The following SHROOM3 variants were observed in gnomAD, a reference collection of about 807,000 sequenced individuals.
The protein encoded by SHROOM3 is shroom family member 3.
A neutral mutation model predicts 138.6 loss-of-function variants in SHROOM3; 47 were observed. The ratio of observed to expected loss-of-function variants is 0.34; its 90% CI spans 0.27 to 0.43. The LOEUF is 0.43. Among genes scored for constraint, SHROOM3 ranks in the 20% least tolerant of loss-of-function variants. The pLI, the probability that SHROOM3 is intolerant of heterozygous loss-of-function variation, is 1.00. For missense variants in SHROOM3, 2,491 were observed against 2,596.5 expected, an observed-to-expected ratio of 0.96 and a Z score of 0.88; for synonymous variants, 1,062 against 1,063.3, an observed-to-expected ratio of 1.00 and a Z score of 0.02.
At chr4:76,486,847 C>A (rs1433266767) in intron 1 of SHROOM3, among the ~76,000 whole-genome samples, 2 of 151,988 alleles carry the variant, frequency 1.3e-5, no homozygotes, top group Non-Finnish European at 1.5e-5. Flanking sequence ...CATTATTAAC[C>A]CTGTGACTTG....
At chr4:76,496,172 C>T (rs919038902) in intron 1 of SHROOM3, among the ~76,000 whole-genome samples, 5 of 152,202 alleles carry the variant, frequency 3.3e-5, no homozygotes, top group African/African-American at 1.2e-4. Context: ...TATGCCACAG[C>T]ACAGGTGTGT....
chr4:76,689,263 T>C (rs931709515), intron 2 of SHROOM3, among the ~76,000 whole-genome samples: 1 of 148,658 alleles, frequency 6.7e-6, no homozygotes, highest in South Asian at 2.1e-4. Flanking sequence ...TTTTCAAACC[T>C]TAGGGAGCCT....
intron 2 of SHROOM3, among the ~76,000 whole-genome samples, chr4:76,656,026 TGG>T (rs1159814203): frequency 6.6e-6 from 1 of 152,232 alleles, no homozygotes. Context: ...CATTCTGCTG[TGG>T]CCTGTTCTTA....
chr4:76,565,581 C>A (rs1733704956), intron 2 of SHROOM3, among the ~76,000 whole-genome samples: 1 of 152,196 alleles, frequency 6.6e-6, no homozygotes, highest in Admixed American at 6.5e-5. Context: ...CTTCTGGGAT[C>A]AAGTGATCCT....
At position 76,782,939 on chromosome 4, in the gene SHROOM3, C is replaced by T. The variant is rs1418886673; in HGVS notation, c.*3762C>T. On this transcript the variant is annotated 3_prime_UTR_variant, in exon 11 of 11. Transcript: ENST00000296043. ...AAACTTCACATTTCTTAATGGGGAG[C>T]TCATTCAGAAACTAAATAATGGTTT... The T allele has an allele frequency of 6.6e-6, 1 of 152,138 alleles. No homozygotes were observed. The highest frequency in any genetic ancestry group is 1.5e-5 in the Non-Finnish European group (1 of 68,006). The allele number at this position is 152,138 out of a possible 1,614,324, so 9.4% of individuals were successfully genotyped here.
Position 76,731,023 on chromosome 4 carries a change from T to C in SHROOM3, c.587+88T>C. 1.9e-6 allele frequency: 3 copies of C among 1,553,710 alleles called. No homozygotes were observed. The Admixed American group carries it at 5.0e-5, about 26-fold the overall frequency. On this transcript the variant is annotated intron_variant, in intron 4 of 10. Transcript: ENST00000296043. ...AATGTTTTCTTCTCTGTTTTGAGAA[T>C]GTTTTTTCTTATACTCACACTAAAT... is the stretch of plus-strand genomic sequence containing the variant.
At chr4:76,707,141 G>A (rs754042528) in intron 2 of SHROOM3, among the ~76,000 whole-genome samples, 1 of 152,104 alleles carries the variant, frequency 6.6e-6, no homozygotes, top group African/African-American at 2.4e-5. Flanking sequence ...GTAAAAATGG[G>A]CTTATTTGGT....
chr4:76,562,600 G>A (rs867308929), intron 2 of SHROOM3, among the ~76,000 whole-genome samples: 1 of 152,108 alleles, frequency 6.6e-6, no homozygotes, highest in Admixed American at 6.5e-5. Flanking sequence ...CCAGCTCATG[G>A]TTACAGTTTA....
At chr4:76,681,509 A>G (rs1198483476) in intron 2 of SHROOM3, among the ~76,000 whole-genome samples, 4 of 151,538 alleles carry the variant, frequency 2.6e-5, no homozygotes, top group Non-Finnish European at 5.9e-5. Context: ...CAGCTGGGAG[A>G]CAGAAACTTA....
At chr4:76,602,142 A>C (rs1359213722) in intron 2 of SHROOM3, among the ~76,000 whole-genome samples, 1 of 152,198 alleles carries the variant, frequency 6.6e-6, no homozygotes, top group Non-Finnish European at 1.5e-5. Context: ...CAATTACAGA[A>C]CGTTCCTTTC....
intron 2 of SHROOM3, among the ~76,000 whole-genome samples, chr4:76,602,617 T>C (rs186552902): frequency 3.3e-5 from 5 of 152,262 alleles, no homozygotes; most frequent in Non-Finnish European, 4.4e-5. Flanking sequence ...ATGAAATAGG[T>C]TGGTGTTAAA....
At chr4:76,449,899 C>T (rs1447437409) in intron 1 of SHROOM3, among the ~76,000 whole-genome samples, 1 of 152,090 alleles carries the variant, frequency 6.6e-6, no homozygotes, top group Non-Finnish European at 1.5e-5. Flanking sequence ...AATAGAGAAA[C>T]ATATGCTCTA....
At chr4:76,601,196 C>T (rs1460216036) in intron 2 of SHROOM3, among the ~76,000 whole-genome samples, 1 of 152,082 alleles carries the variant, frequency 6.6e-6, no homozygotes, top group Non-Finnish European at 1.5e-5. Context: ...CAGCTAGAGG[C>T]GATTTCCCTC....
chr4:76,685,468 G>A (rs555729137), intron 2 of SHROOM3, among the ~76,000 whole-genome samples: 16 of 152,266 alleles, frequency 1.1e-4, no homozygotes, highest in Non-Finnish European at 1.9e-4. Flanking sequence ...GGCCACATGC[G>A]GCCTGTAAGC....
At chr4:76,720,220 G>A (rs1577994455) in intron 3 of SHROOM3, among the ~76,000 whole-genome samples, 1 of 137,826 alleles carries the variant, frequency 7.3e-6, no homozygotes, top group East Asian at 2.2e-4. Context: ...TGAGGAGCCT[G>A]GAAGTAGTTA....
At chr4:76,755,692 C>T (rs1315655399) in intron 7 of SHROOM3, among the ~76,000 whole-genome samples, 2 of 152,078 alleles carry the variant, frequency 1.3e-5, no homozygotes, top group Non-Finnish European at 2.9e-5. Flanking sequence ...TATATACAGC[C>T]TTGAGGCAGC....
At chr4:76,459,399 C>T (rs997553665) in intron 1 of SHROOM3, among the ~76,000 whole-genome samples, 41 of 152,094 alleles carry the variant, frequency 2.7e-4, no homozygotes, top group African/African-American at 9.7e-4. Flanking sequence ...GGGATTTTTT[C>T]CCCCTCTTGT....
intron 1 of SHROOM3, among the ~76,000 whole-genome samples, chr4:76,552,002 C>T (rs1344607164): frequency 2.7e-5 from 4 of 145,876 alleles, no homozygotes; most frequent in Admixed American, 6.8e-5. Flanking sequence ...GCTGGGACTA[C>T]AGGCGCCCGC....
intron 2 of SHROOM3, among the ~76,000 whole-genome samples, chr4:76,654,736 AG>A (rs576851762): frequency 5.6e-4 from 86 of 152,326 alleles, no homozygotes; most frequent in African/African-American, 2.0e-3. Flanking sequence ...GGAGGGTTCA[AG>A]GATGATTGCC....
Sources: gnomAD v4.1 joint callset for allele counts (sites outside exome capture counted in the v4.1 genomes callset) on GRCh38, gnomAD v4.1.1 for gene constraint, MANE v1.5 for transcripts, NCBI Gene and HGNC (gene_info 2026-07-23, HGNC 2026-07-21) for gene names.